The following ZNF626 variants were observed in gnomAD, a reference collection of about 807,000 sequenced individuals.
The protein encoded by ZNF626 is CTC-513N18.7.
A neutral mutation model predicts 11.7 loss-of-function variants in ZNF626; 4 were observed. That is an observed-to-expected ratio of 0.34 (90% CI 0.17 to 0.78). ZNF626 has a LOEUF of 0.78. Ranked by LOEUF, ZNF626 falls within the 30% of genes least tolerant of loss-of-function variation. ZNF626 has a pLI of 0.57. For missense variants in ZNF626, 588 were observed against 587.1 expected, an observed-to-expected ratio of 1.00 and a Z score of -0.01; for synonymous variants, 179 against 198.6, an observed-to-expected ratio of 0.90 and a Z score of 0.83.
intron 1 of ZNF626, among the ~76,000 whole-genome samples, chr19:20,660,769 C>A (rs973035322): frequency 6.6e-6 from 1 of 152,094 alleles, no homozygotes; most frequent in African/African-American, 2.4e-5. Context: ...GTTTCCATCC[C>A]CTATTGGCTG....
chr19:20,658,628 C>T (rs1179125017), intron 1 of ZNF626, among the ~76,000 whole-genome samples: 2 of 152,124 alleles, frequency 1.3e-5, no homozygotes, highest in Non-Finnish European at 2.9e-5. Context: ...TTCAAATACC[C>T]AGAGCTTTGT....
chr19:20,654,444 T>G (rs1344091241), intron 1 of ZNF626, among the ~76,000 whole-genome samples: 2 of 136,652 alleles, frequency 1.5e-5, no homozygotes, highest in African/African-American at 5.4e-5. Flanking sequence ...GCGCGGTGGC[T>G]TACACTGTAA....
intron 3 of ZNF626, among the ~76,000 whole-genome samples, chr19:20,635,709 G>A (rs1171285600): frequency 2.0e-5 from 3 of 152,134 alleles, no homozygotes; most frequent in Admixed American, 2.0e-4. Context: ...GAGATACAGA[G>A]TAATTATTGT....
intron 3 of ZNF626, among the ~76,000 whole-genome samples, chr19:20,640,580 G>A (rs1454884145): frequency 5.4e-5 from 8 of 147,730 alleles, no homozygotes; most frequent in African/African-American, 2.0e-4. Flanking sequence ...ATGGACAAAT[G>A]AAATTTTTAT....
intron 3 of ZNF626, among the ~76,000 whole-genome samples, chr19:20,630,061 G>T (rs1039484816): frequency 2.0e-5 from 3 of 152,176 alleles, no homozygotes; most frequent in Admixed American, 6.6e-5. Context: ...CTTTGGTTCT[G>T]TTTATATGCT....
At position 20,621,670 on chromosome 19, in the gene ZNF626, T is replaced by C. The variant is rs568248591; in HGVS notation, c.*2620A>G. On this transcript the variant is annotated 3_prime_UTR_variant, in exon 4 of 4. Coordinates refer to ENST00000601440, the MANE Select transcript of ZNF626 (RefSeq NM_001076675.3). ...CATACTATATACTCACAGATAGTAA[T>C]AATAAATTAAGAAAAAAGATTAAAA... 1 of 152,250 alleles carries C rather than the reference T, an allele frequency of 6.6e-6. No homozygotes were observed. Among genetic ancestry groups the C allele is most frequent in the East Asian group, 1.9e-4 (1 of 5,176 alleles). The allele number at this position is 152,250 out of a possible 1,614,324, so 9.4% of individuals were successfully genotyped here.
At chr19:20,625,724 T>C in intron 3 of ZNF626, 74 bp from the exon 4 acceptor site, 2 of 1,414,522 alleles carry the variant, frequency 1.4e-6, no homozygotes, top group South Asian at 3.2e-5. Flanking sequence ...ATGCAGTTTG[T>C]ATAGTTTTAT....
intron 1 of ZNF626, among the ~76,000 whole-genome samples, chr19:20,655,914 G>A (rs1555773065): frequency 6.6e-6 from 1 of 151,918 alleles, no homozygotes; most frequent in Non-Finnish European, 1.5e-5. Flanking sequence ...CAGCCTGGGT[G>A]GCAGAGCGAG....
intron 1 of ZNF626, among the ~76,000 whole-genome samples, 195 bp from the exon 2 acceptor site, chr19:20,646,600 G>C (rs1418824220): frequency 6.6e-6 from 1 of 152,146 alleles, no homozygotes; most frequent in Non-Finnish European, 1.5e-5. Context: ...AGCAGCATAA[G>C]ATCCACAACA....
chr19:20,627,465 A>C (rs1390475679), intron 3 of ZNF626, among the ~76,000 whole-genome samples: 2 of 152,086 alleles, frequency 1.3e-5, no homozygotes, highest in Non-Finnish European at 2.9e-5. Context: ...AATTTAAAAA[A>C]TCCTGGAAAA....
chr19:20,626,518 G>C (rs1203929851), intron 3 of ZNF626, among the ~76,000 whole-genome samples: 1 of 152,124 alleles, frequency 6.6e-6, no homozygotes, highest in Non-Finnish European at 1.5e-5. Flanking sequence ...GAGAATTTGA[G>C]ACCAGCCTGG....
At position 20,653,652 on chromosome 19, in the gene ZNF626, AGAAAAAG is replaced by A. The variant is rs781846071; in HGVS notation, c.4-7254_4-7248del. On this transcript the variant is annotated intron_variant, in intron 1 of 3. Coordinates refer to ENST00000601440, the MANE Select transcript of ZNF626 (RefSeq NM_001076675.3). The stretch of plus-strand genomic sequence containing the variant: ...CCCTGCCCTCCCAGCAAAAAAAAAA[AGAAAAAG>A]AAAAAAAGAAAAAGAAAGGAAAAGA... Among the ~76,000 whole-genome samples, 143 of 131,266 alleles carry A rather than the reference AGAAAAAG, an allele frequency of 1.1e-3. 4 individuals are homozygous for A. The highest frequency in any genetic ancestry group is 1.0e-3 in the African/African-American group (35 of 34,914). 86.1% of individuals were successfully genotyped at this position (131,266 alleles called of 152,430 possible).
chr19:20,654,264 C>A (rs1970180058), intron 1 of ZNF626, among the ~76,000 whole-genome samples: 1 of 151,944 alleles, frequency 6.6e-6, no homozygotes, highest in Non-Finnish European at 1.5e-5. Context: ...TATAGTGAAA[C>A]CCTGTCTCTA....
chr19:20,651,740 T>C (rs868985633), intron 1 of ZNF626, among the ~76,000 whole-genome samples: 2 of 152,224 alleles, frequency 1.3e-5, no homozygotes, highest in African/African-American at 4.8e-5. Flanking sequence ...AGACTCAGGC[T>C]GATTCTAAAT....
chr19:20,659,340 A>T (rs1277552764), intron 1 of ZNF626, among the ~76,000 whole-genome samples: 32 of 152,152 alleles, frequency 2.1e-4, no homozygotes, highest in Admixed American at 2.0e-3. Flanking sequence ...CCATGGTTCA[A>T]GCAATTCTCC....
At position 20,623,935 on chromosome 19, in the gene ZNF626, T is replaced by G; in HGVS notation, c.*355A>C. ...TAAAAAATCTGTCACATTCTTTATATTTGTAGAGTTTATATTTCATATCAA... is the reference window on the plus strand; with the variant it reads ...TAAAAAATCTGTCACATTCTTTATAGTTGTAGAGTTTATATTTCATATCAA... On this transcript the variant is annotated 3_prime_UTR_variant, in exon 4 of 4. Transcript: ENST00000601440. 2.7e-6 allele frequency: 1 copy of G among 375,698 alleles called. No homozygotes were observed. The highest frequency in any genetic ancestry group is 5.0e-6 in the Non-Finnish European group (1 of 198,712). 23.3% of individuals were successfully genotyped at this position (375,698 alleles called of 1,614,324 possible). A position where few individuals can be genotyped will look rare whatever the true frequency, so the allele number is the denominator to read the frequency against.
intron 1 of ZNF626, among the ~76,000 whole-genome samples, chr19:20,658,246 G>A (rs1188320972): frequency 1.3e-5 from 2 of 152,144 alleles, no homozygotes; most frequent in East Asian, 1.9e-4. Flanking sequence ...GATTATAACC[G>A]GGAGGTCCAG....
intron 3 of ZNF626, among the ~76,000 whole-genome samples, chr19:20,632,113 G>T (rs1425764897): frequency 9.2e-5 from 14 of 152,120 alleles, no homozygotes; most frequent in African/African-American, 3.4e-4. Context: ...GTTGAATATT[G>T]ATCCTCACTC....
At chr19:20,628,312 A>G (rs1555770022) in intron 3 of ZNF626, among the ~76,000 whole-genome samples, 2 of 152,098 alleles carry the variant, frequency 1.3e-5, no homozygotes, top group African/African-American at 2.4e-5. Flanking sequence ...GGATGGCTGG[A>G]TCAAATGGTA....
Sources: allele counts gnomAD v4.1 joint callset (sites outside exome capture counted in the v4.1 genomes callset), GRCh38; gene constraint gnomAD v4.1.1; transcripts MANE v1.5; gene names NCBI Gene and HGNC (gene_info 2026-07-23, HGNC 2026-07-21).